THSD7B: variants seen among roughly 807,000 people sequenced by gnomAD.
THSD7B encodes the protein thrombospondin type-1 domain-containing protein 7B.
THSD7B carries 138 observed loss-of-function variants against 213.6 expected under a neutral mutation model. That is an observed-to-expected ratio of 0.65 (90% CI 0.56 to 0.74). The LOEUF is 0.74. Ranked by LOEUF, THSD7B falls within the 30% of genes least tolerant of loss-of-function variation. The probability of loss-of-function intolerance (pLI) is 0.00; values close to 1 mark genes in which losing one functional copy is unlikely to be tolerated. For synonymous variants in THSD7B, 742 were observed against 687.0 expected (o/e 1.08, Z -1.25); for missense variants, 1,931 against 1,991.5 (o/e 0.97, Z 0.58).
At chr2:137,493,422 A>G (rs1292934579) in intron 15 of THSD7B, among the ~76,000 whole-genome samples, 2 of 152,168 alleles carry the variant, frequency 1.3e-5, no homozygotes, top group Admixed American at 1.3e-4. Context: ...TTCTGAGGCT[A>G]ATGACCTGCA....
At chr2:137,004,973 A>C (rs1686076106) in intron 2 of THSD7B, among the ~76,000 whole-genome samples, 1 of 152,232 alleles carries the variant, frequency 6.6e-6, no homozygotes, top group African/African-American at 2.4e-5. Flanking sequence ...TCATTTATTC[A>C]TGCATGAGTG....
intron 2 of THSD7B, among the ~76,000 whole-genome samples, chr2:136,974,656 A>G (rs1388607806): frequency 2.0e-5 from 3 of 152,180 alleles, no homozygotes; most frequent in South Asian, 2.1e-4. Context: ...GTTACAGTGA[A>G]CATACATGTG....
intron 15 of THSD7B, among the ~76,000 whole-genome samples, chr2:137,494,890 C>G (rs1679524583): frequency 6.6e-6 from 1 of 152,180 alleles, no homozygotes; most frequent in Non-Finnish European, 1.5e-5. Context: ...TGTATCCATT[C>G]TCTACCTCTG....
chr2:137,649,803 T>G (rs1028465316), intron 21 of THSD7B, among the ~76,000 whole-genome samples: 1 of 152,088 alleles, frequency 6.6e-6, no homozygotes, highest in African/African-American at 2.4e-5. Flanking sequence ...ATTCAAGATA[T>G]TTTGAGTTTC....
At chr2:137,256,683 C>T (rs1162660675) in intron 10 of THSD7B, among the ~76,000 whole-genome samples, 9 of 152,018 alleles carry the variant, frequency 5.9e-5, no homozygotes, top group Non-Finnish European at 1.3e-4. Flanking sequence ...GATAAAATCA[C>T]ATTTATGTTT....
At position 136,995,555 on chromosome 2, in the gene THSD7B, C is replaced by A. The variant is rs181558889; in HGVS notation, c.140-60865C>A. ...GAGTAGTAAAAAGAACTAAATTGTT[C>A]TTTTCCTTGAAATAGAATGACCCCA... On this transcript the variant is annotated intron_variant, in intron 2 of 27. Transcript: ENST00000409968. 6.6e-5 allele frequency among the ~76,000 whole-genome samples: 10 copies of A among 152,152 alleles called. No homozygotes were observed. In the East Asian group the frequency reaches 1.9e-3, roughly 30 times the overall value.
chr2:136,904,992 CTCTT>C (rs767939670), intron 2 of THSD7B, among the ~76,000 whole-genome samples: 1 of 152,208 alleles, frequency 6.6e-6, no homozygotes, highest in Non-Finnish European at 1.5e-5. Context: ...GGGGAAGTGA[CTCTT>C]TCATCCACTA....
rs529831777 is a variant in THSD7B, at chr2:137,431,882, G to A, written c.2960-18963G>A. 9.0e-4 allele frequency among the ~76,000 whole-genome samples: 133 copies of A among 147,724 alleles called. 3 individuals carry two copies. The South Asian group carries it at 0.025, about 27-fold the overall frequency. ...AGGTGATAAGAATGATGTTGACAAC[G>A]GGAACAGATAACCTCAGAAAAACTC... On this transcript the variant is annotated intron_variant, in intron 14 of 27. Coordinates refer to ENST00000409968, the MANE Select transcript of THSD7B (RefSeq NM_001316349.2).
intron 7 of THSD7B, among the ~76,000 whole-genome samples, chr2:137,196,520 C>A (rs1680766441): frequency 6.6e-6 from 1 of 151,028 alleles, no homozygotes; most frequent in African/African-American, 2.4e-5. Context: ...TAGTTTGATC[C>A]CTAAATACTT....
At chr2:137,033,266 G>A (rs187307740) in intron 2 of THSD7B, among the ~76,000 whole-genome samples, 1 of 152,302 alleles carries the variant, frequency 6.6e-6, no homozygotes, top group African/African-American at 2.4e-5. Flanking sequence ...TCTTCTAGAA[G>A]CTGGCTTATC....
At chr2:137,552,072 A>G (rs1184149534) in intron 15 of THSD7B, among the ~76,000 whole-genome samples, 3 of 152,146 alleles carry the variant, frequency 2.0e-5, no homozygotes, top group Non-Finnish European at 4.4e-5. Context: ...AATAATTGCA[A>G]CCTTCCAAAA....
At chr2:137,383,452 A>C (rs2104967301) in intron 12 of THSD7B, among the ~76,000 whole-genome samples, 1 of 152,298 alleles carries the variant, frequency 6.6e-6, no homozygotes, top group South Asian at 2.1e-4. Context: ...TGTGTGTCCA[A>C]GACCTGTGTC....
intron 1 of THSD7B, among the ~76,000 whole-genome samples, chr2:136,860,092 A>G (rs934968461): frequency 3.6e-5 from 5 of 139,184 alleles, no homozygotes; most frequent in African/African-American, 1.4e-4. Context: ...ATCTCGGCGC[A>G]CTACAAGCTC....
At chr2:137,198,951 T>G (rs1488240239) in intron 7 of THSD7B, among the ~76,000 whole-genome samples, 2 of 152,146 alleles carry the variant, frequency 1.3e-5, no homozygotes, top group Non-Finnish European at 2.9e-5. Flanking sequence ...AGTCGGGAGA[T>G]TTGTATGTCC....
intron 1 of THSD7B, among the ~76,000 whole-genome samples, chr2:136,809,819 C>T (rs184287270): frequency 6.6e-6 from 1 of 152,232 alleles, no homozygotes; most frequent in Admixed American, 6.5e-5. Context: ...GGAGCTTGGA[C>T]TTGGGTGGTG....
At chr2:137,051,871 A>G (rs1687076957) in intron 2 of THSD7B, among the ~76,000 whole-genome samples, 1 of 152,112 alleles carries the variant, frequency 6.6e-6, no homozygotes, top group Non-Finnish European at 1.5e-5. Flanking sequence ...CATTTTATTG[A>G]ACACCACACC....
chr2:137,251,027 G>A (rs1430461120), intron 10 of THSD7B, among the ~76,000 whole-genome samples: 1 of 152,156 alleles, frequency 6.6e-6, no homozygotes, highest in African/African-American at 2.4e-5. Flanking sequence ...AACTCCTTGA[G>A]GGCTTAAACC....
intron 3 of THSD7B, among the ~76,000 whole-genome samples, chr2:137,076,581 C>T (rs1291887249): frequency 8.5e-5 from 13 of 152,152 alleles, no homozygotes; most frequent in East Asian, 3.9e-4. Context: ...GCGCACAGTG[C>T]GCTGCACCCA....
At chr2:137,404,472 TATACAC>T (rs1366351301) in intron 12 of THSD7B, among the ~76,000 whole-genome samples, 172 of 56,734 alleles carry the variant, frequency 3.0e-3, no homozygotes, top group African/African-American at 5.1e-3. Context: ...TATATATATA[TATACAC>T]ACACACACAC....
Sources: gnomAD v4.1 joint callset for allele counts (sites outside exome capture counted in the v4.1 genomes callset) on GRCh38, gnomAD v4.1.1 for gene constraint, MANE v1.5 for transcripts, NCBI Gene and HGNC (gene_info 2026-07-23, HGNC 2026-07-21) for gene names.